The following NUMB variants were observed in gnomAD, a reference collection of about 807,000 sequenced individuals.
The protein encoded by NUMB is protein numb homolog.
In NUMB, 29 loss-of-function variants were observed where a neutral mutation model predicts 59.7. The observed-to-expected ratio is 0.49, with a 90% CI of 0.36 to 0.66. The LOEUF (loss-of-function observed/expected upper bound fraction) is 0.66, where lower values mean the gene tolerates loss of function less well. Ranked by LOEUF, NUMB falls within the 30% of genes least tolerant of loss-of-function variation. The pLI is 0.00. For synonymous variants in NUMB, 288 were observed against 288.2 expected (o/e 1.00, Z 0.01); for missense variants, 723 against 822.0 (o/e 0.88, Z 1.47).
At chr14:73,360,167 T>C (rs1894031503) in intron 3 of NUMB, among the ~76,000 whole-genome samples, 1 of 152,268 alleles carries the variant, frequency 6.6e-6, no homozygotes, top group African/African-American at 2.4e-5. Context: ...CACTATTCAG[T>C]GAGTCAGTAT....
intron 7 of NUMB, among the ~76,000 whole-genome samples, chr14:73,295,913 A>C (rs1303478846): frequency 6.6e-6 from 1 of 152,180 alleles, no homozygotes; most frequent in Non-Finnish European, 1.5e-5. Context: ...ATTCTAAGTA[A>C]ATGTTAACCA....
At chr14:73,322,880 A>C (rs1891478483) in intron 5 of NUMB, 1 of 262,010 alleles carries the variant, frequency 3.8e-6, no homozygotes, top group Non-Finnish European at 7.1e-6. Context: ...TAATAGAGAC[A>C]GGGTCTTGAA....
chr14:73,401,494 T>A (rs1896411599), intron 2 of NUMB, among the ~76,000 whole-genome samples: 1 of 151,536 alleles, frequency 6.6e-6, no homozygotes, highest in Admixed American at 6.6e-5. Flanking sequence ...ATCTGGAAGG[T>A]TCATGTCAAA....
chr14:73,354,149 A>G (rs185251031), intron 4 of NUMB, among the ~76,000 whole-genome samples: 126 of 152,208 alleles, frequency 8.3e-4, no homozygotes, highest in African/African-American at 2.8e-3. Flanking sequence ...GCTTTAGCCC[A>G]TATTTCAATC....
At chr14:73,362,606 C>T (rs1298594359) in intron 3 of NUMB, among the ~76,000 whole-genome samples, 2 of 151,876 alleles carry the variant, frequency 1.3e-5, no homozygotes, top group Non-Finnish European at 2.9e-5. Flanking sequence ...CCATGCCCAG[C>T]TATTTTTTGT....
At chr14:73,280,388 T>G (rs1363792277) in intron 11 of NUMB, among the ~76,000 whole-genome samples, 1 of 151,474 alleles carries the variant, frequency 6.6e-6, no homozygotes, top group African/African-American at 2.4e-5. Flanking sequence ...TTCAACTTTT[T>G]TTGAAGGTTT....
At chr14:73,308,470 C>A (rs75441241) in intron 6 of NUMB, among the ~76,000 whole-genome samples, 1 of 152,266 alleles carries the variant, frequency 6.6e-6, no homozygotes, top group African/African-American at 2.4e-5. Flanking sequence ...TCTACCAAAA[C>A]AGGCCATTTG....
At position 73,372,319 on chromosome 14, in the gene NUMB, A is replaced by ATATATATATATAACCTTT. The variant is rs1894730680; in HGVS notation, c.-100-5339_-100-5338insAAAGGTTATATATATATA. On this transcript the variant is annotated intron_variant, in intron 2 of 12. Transcript: ENST00000555238. ...ATATATTTCTTTTATATATATATAT[A>ATATATATATATAACCTTT]TATATATATATATATATAACCTTTT... 1.2e-4 allele frequency among the ~76,000 whole-genome samples: 13 copies of ATATATATATATAACCTTT among 107,768 alleles called. No individual in the cohort carries two copies. The East Asian group carries it at 1.5e-3, about 12-fold the overall frequency. The allele number at this position is 107,768 out of a possible 152,430, so 70.7% of individuals were successfully genotyped here. A position where few individuals can be genotyped will look rare whatever the true frequency, so the allele number is the denominator to read the frequency against.
chr14:73,412,576 G>A (rs376547517), intron 1 of NUMB, among the ~76,000 whole-genome samples: 7 of 149,186 alleles, frequency 4.7e-5, no homozygotes, highest in African/African-American at 1.5e-4. Flanking sequence ...GCAGTAAGCC[G>A]AGATTGCACC....
intron 10 of NUMB, among the ~76,000 whole-genome samples, chr14:73,283,244 T>G (rs892756152): frequency 6.6e-6 from 1 of 152,208 alleles, no homozygotes; most frequent in Non-Finnish European, 1.5e-5. Context: ...GTACCTCAGC[T>G]GAGAACTGAA....
chr14:73,444,286 C>T (rs1196244639), intron 1 of NUMB, among the ~76,000 whole-genome samples: 1 of 151,070 alleles, frequency 6.6e-6, no homozygotes, highest in African/African-American at 2.4e-5. Context: ...GTGGTCCCAG[C>T]TACTCGGGAG....
intron 8 of NUMB, among the ~76,000 whole-genome samples, chr14:73,290,907 C>T (rs952112752): frequency 6.6e-6 from 1 of 152,170 alleles, no homozygotes; most frequent in Non-Finnish European, 1.5e-5. Context: ...TTGAAATGCT[C>T]AACTTATAGT....
chr14:73,337,199 C>A (rs1212778919), intron 4 of NUMB, among the ~76,000 whole-genome samples: 1 of 151,840 alleles, frequency 6.6e-6, no homozygotes, highest in South Asian at 2.1e-4. Flanking sequence ...GTTCAGTTTT[C>A]ATTCATAGTT....
Position 73,319,759 on chromosome 14 carries a change from TATG to T in NUMB, c.202-3340_202-3338del, listed in dbSNP as rs1353818932. ...AAAATCAGGAATACATGTGGCACAC[TATG>T]ATATGAGAAGAACAGTATCCTAAAG... On this transcript the variant is annotated intron_variant, in intron 5 of 12. Coordinates refer to ENST00000555238, the MANE Select transcript of NUMB (RefSeq NM_001005743.2). 2.0e-5 allele frequency among the ~76,000 whole-genome samples: 3 copies of T among 152,284 alleles called. No homozygotes were observed. The East Asian group carries it at 5.8e-4, about 29-fold the overall frequency.
chr14:73,372,321 ATATATATATATATATAACCTTT>A (rs1466849804), intron 2 of NUMB, among the ~76,000 whole-genome samples: 6 of 108,884 alleles, frequency 5.5e-5, no homozygotes, highest in African/African-American at 1.6e-4. Flanking sequence ...ATATATATAT[ATATATATATATATATAACCTTT>A]TATATATATA....
intron 1 of NUMB, among the ~76,000 whole-genome samples, chr14:73,455,584 G>A (rs1884306408): frequency 6.6e-6 from 1 of 152,178 alleles, no homozygotes; most frequent in African/African-American, 2.4e-5. Context: ...GCATTTTGCT[G>A]TCACATATTA....
chr14:73,312,454 T>G (rs1433312147), intron 6 of NUMB, among the ~76,000 whole-genome samples: 1 of 150,068 alleles, frequency 6.7e-6, no homozygotes, highest in Non-Finnish European at 1.5e-5. Context: ...TTGCTCATGC[T>G]TGTAATCCCA....
chr14:73,345,555 C>T (rs1217442227), intron 4 of NUMB, among the ~76,000 whole-genome samples: 1 of 152,012 alleles, frequency 6.6e-6, no homozygotes, highest in Non-Finnish European at 1.5e-5. Flanking sequence ...ATTGAGGATC[C>T]CAAGGAGTTT....
intron 1 of NUMB, among the ~76,000 whole-genome samples, chr14:73,442,034 A>T (rs531899027): frequency 6.6e-6 from 1 of 151,874 alleles, no homozygotes; most frequent in South Asian, 2.1e-4. Flanking sequence ...CAATTCCACT[A>T]CTTATGGGCA....
Sources: allele counts gnomAD v4.1 joint callset (sites outside exome capture counted in the v4.1 genomes callset), GRCh38; gene constraint gnomAD v4.1.1; transcripts MANE v1.5; gene names NCBI Gene and HGNC (gene_info 2026-07-23, HGNC 2026-07-21).